TTLL13: variants seen among roughly 807,000 people sequenced by gnomAD.
TTLL13 encodes tubulin tyrosine ligase like 13.
chr15:90,250,713 G>C, the TTLL13 span: 10 of 1,614,100 alleles, frequency 6.2e-6, no homozygotes, highest in Non-Finnish European at 8.5e-6. Flanking sequence ...GTTAAAGAGG[G>C]AGTTACCAAC....
the TTLL13 span, chr15:90,258,804 T>C: frequency 6.2e-7 from 1 of 1,614,082 alleles, no homozygotes; most frequent in African/African-American, 1.3e-5. Context: ...AAGGATGCAC[T>C]TCTCTGTGAT....
the TTLL13 span, chr15:90,250,729 T>G: frequency 3.7e-6 from 6 of 1,614,060 alleles, no homozygotes; most frequent in Admixed American, 1.7e-5. Flanking sequence ...CCAACCCCTC[T>G]AACTCTTCAC....
At chr15:90,261,873 C>T in the TTLL13 span, 2 of 673,120 alleles carry the variant, frequency 3.0e-6, no homozygotes, top group East Asian at 3.0e-5. Flanking sequence ...GGCTTGGCAG[C>T]TTTCCCTACT....
chr15:90,261,045 T>C, the TTLL13 span, among the ~76,000 whole-genome samples: 1 of 151,914 alleles, frequency 6.6e-6, no homozygotes, highest in South Asian at 2.1e-4. Context: ...CTTCTAAATT[T>C]TCTGTAATGA....
chr15:90,256,775 G>A, the TTLL13 span, among the ~76,000 whole-genome samples: 21 of 151,772 alleles, frequency 1.4e-4, no homozygotes, highest in Non-Finnish European at 2.9e-4. Context: ...TGCAACCTCC[G>A]CCTCCCGGGT....
the TTLL13 span, chr15:90,262,772 G>A: frequency 8.0e-7 from 1 of 1,249,084 alleles, no homozygotes. Flanking sequence ...ATGCACAAGA[G>A]AGAGAGGAGT....
the TTLL13 span, among the ~76,000 whole-genome samples, chr15:90,251,824 GAAA>G: frequency 1.5e-5 from 2 of 130,604 alleles, no homozygotes; most frequent in African/African-American, 5.7e-5. Flanking sequence ...CAGTAAACAA[GAAA>G]AAAAAAAAAA....
chr15:90,258,085 C>G, the TTLL13 span: 2 of 1,614,220 alleles, frequency 1.2e-6, no homozygotes, highest in Non-Finnish European at 1.7e-6. Context: ...AGCTACAACC[C>G]TGGAGAGCTG....
At chr15:90,263,112 C>T in the TTLL13 span, 1 of 1,529,378 alleles carries the variant, frequency 6.5e-7, no homozygotes, top group Middle Eastern at 1.7e-4. Context: ...AGCACCCTGG[C>T]CCCCAGGGCC....
At chr15:90,253,644 G>A in the TTLL13 span, among the ~76,000 whole-genome samples, 41,362 of 151,904 alleles carry the variant, frequency 0.27, 6,512 homozygotes, top group East Asian at 0.69. Flanking sequence ...CCTCTCCAGG[G>A]TGGGTGAGCA....
chr15:90,255,742 G>A, the TTLL13 span: 1 of 1,614,120 alleles, frequency 6.2e-7, no homozygotes, highest in Non-Finnish European at 8.5e-7. Context: ...CATACTAACT[G>A]GCTGTGTTTC....
the TTLL13 span, chr15:90,259,007 CT>C: frequency 6.2e-7 from 1 of 1,606,490 alleles, no homozygotes; most frequent in Non-Finnish European, 8.5e-7. Context: ...AGAATGTGGC[CT>C]GGGGCTGATT....
chr15:90,262,564 G>A, the TTLL13 span: 1 of 1,534,390 alleles, frequency 6.5e-7, no homozygotes, highest in South Asian at 1.2e-5. Context: ...AAAAGGCCAG[G>A]GACCAGAACC....
the TTLL13 span, among the ~76,000 whole-genome samples, chr15:90,254,470 G>A: frequency 2.0e-5 from 3 of 147,228 alleles, no homozygotes; most frequent in Non-Finnish European, 4.5e-5. Context: ...TCCAGCCTGG[G>A]TGACAGAGTG....
the TTLL13 span, chr15:90,263,267 C>A: frequency 1.1e-6 from 1 of 891,484 alleles, no homozygotes; most frequent in Non-Finnish European, 1.7e-6. Context: ...CCTGGGAAAG[C>A]AGAGTGCGCT....
chr15:90,256,569 C>CTTTCTTTCT, the TTLL13 span, among the ~76,000 whole-genome samples: 1 of 33,294 alleles, frequency 3.0e-5, no homozygotes, highest in Non-Finnish European at 5.8e-5. Context: ...TTCTTTCTTT[C>CTTTCTTTCT]TTTCTTTCTT....
chr15:90,257,717 T>C, the TTLL13 span: 1 of 1,613,916 alleles, frequency 6.2e-7, no homozygotes, highest in East Asian at 2.2e-5. Context: ...CTGTGGGCAG[T>C]AAGAGGTACT....
At chr15:90,258,165 C>T in the TTLL13 span, 21 of 1,614,110 alleles carry the variant, frequency 1.3e-5, no homozygotes, top group Middle Eastern at 3.3e-4. Flanking sequence ...CCACAACTAC[C>T]GAACCTGTTT....
the TTLL13 span, among the ~76,000 whole-genome samples, chr15:90,256,786 T>A: frequency 6.6e-6 from 1 of 151,968 alleles, no homozygotes; most frequent in Non-Finnish European, 1.5e-5. Context: ...CCTCCCGGGT[T>A]CAAGCAATTC....
Sources: gnomAD v4.1 joint callset for allele counts (sites outside exome capture counted in the v4.1 genomes callset) on GRCh38, gnomAD v4.1.1 for gene constraint, MANE v1.5 for transcripts, NCBI Gene and HGNC (gene_info 2026-07-23, HGNC 2026-07-21) for gene names.